GHR: variants seen among roughly 807,000 people sequenced by gnomAD.
The protein encoded by GHR is growth hormone receptor, also known as GH receptor.
In GHR, 35 loss-of-function variants were observed where a neutral mutation model predicts 67.1. That is an observed-to-expected ratio of 0.52 (90% confidence interval 0.40 to 0.69). GHR has a LOEUF of 0.69. Ranked by LOEUF, GHR falls within the 30% of genes least tolerant of loss-of-function variation. The probability of loss-of-function intolerance (pLI) is 0.00; values close to 1 mark genes in which losing one functional copy is unlikely to be tolerated. For missense variants in GHR, 792 were observed against 764.6 expected (o/e 1.04, Z -0.42); for synonymous variants, 272 against 269.1 (o/e 1.01, Z -0.10).
chr5:42,483,902 G>A (rs1213569675), intron 1 of GHR, among the ~76,000 whole-genome samples: 1 of 152,234 alleles, frequency 6.6e-6, no homozygotes. Context: ...ATACTGGGCT[G>A]TGTTCCAGGG....
chr5:42,540,945 T>TG (rs1448458051), intron 1 of GHR, among the ~76,000 whole-genome samples: 3 of 149,296 alleles, frequency 2.0e-5, no homozygotes, highest in Non-Finnish European at 3.0e-5. Context: ...TTTTCCTTGT[T>TG]TTTTTTTTTT....
At chr5:42,657,785 A>G (rs1205716505) in intron 3 of GHR, among the ~76,000 whole-genome samples, 3 of 152,036 alleles carry the variant, frequency 2.0e-5, no homozygotes, top group Non-Finnish European at 2.9e-5. Flanking sequence ...ATATCCTAAA[A>G]TGTTCCTTTT....
chr5:42,616,383 G>A (rs192187292), intron 2 of GHR, among the ~76,000 whole-genome samples: 3 of 152,212 alleles, frequency 2.0e-5, no homozygotes, highest in Non-Finnish European at 4.4e-5. Context: ...GAAGGAGTTA[G>A]AGAAAGCAAA....
At chr5:42,472,835 G>A (rs1426684066) in intron 1 of GHR, among the ~76,000 whole-genome samples, 2 of 152,120 alleles carry the variant, frequency 1.3e-5, no homozygotes, top group African/African-American at 2.4e-5. Flanking sequence ...CTGGATAGGA[G>A]GTACAACCAG....
At chr5:42,475,956 G>T (rs1465189854) in intron 1 of GHR, among the ~76,000 whole-genome samples, 4 of 150,324 alleles carry the variant, frequency 2.7e-5, no homozygotes, top group African/African-American at 7.4e-5. Flanking sequence ...CCAGGCTGGA[G>T]TGCAGTGGCG....
At chr5:42,468,298 A>G (rs767319207) in intron 1 of GHR, 2 of 1,575,138 alleles carry the variant, frequency 1.3e-6, no homozygotes, top group Non-Finnish European at 1.7e-6. Flanking sequence ...GCCTAGGGCC[A>G]TGGCTTCTCT....
rs4489074 is a variant in GHR at position 42,578,904 on chromosome 5, C to T, written c.70+12960C>T. Among the ~76,000 whole-genome samples, 1,855 of 152,084 alleles carry T rather than the reference C, an allele frequency of 0.012. 82 individuals carry two copies. The East Asian group carries it at 0.14, about 12-fold the overall frequency. On this transcript the variant is annotated intron_variant, in intron 2 of 9. Coordinates refer to ENST00000230882, the MANE Select transcript of GHR (RefSeq NM_000163.5). ...AAAAAATACAACTCAGATTTCACTA[C>T]GTACAGCAATAAATATCAGAGACAT...
At chr5:42,500,187 C>T (rs1410890806) in intron 1 of GHR, among the ~76,000 whole-genome samples, 1 of 152,230 alleles carries the variant, frequency 6.6e-6, no homozygotes, top group East Asian at 1.9e-4. Context: ...TACTCTCCTC[C>T]TTAGCTGAGA....
intron 1 of GHR, among the ~76,000 whole-genome samples, chr5:42,540,183 T>TTCTCTCTCTCTCTC (rs57962722): frequency 4.2e-5 from 6 of 144,504 alleles, no homozygotes; most frequent in South Asian, 2.3e-4. Flanking sequence ...TGTTACTGTA[T>TTCTCTCTCTCTCTC]TCTCTCTCTC....
At chr5:42,705,578 C>T (rs1024916950) in intron 6 of GHR, among the ~76,000 whole-genome samples, 26 of 152,086 alleles carry the variant, frequency 1.7e-4, no homozygotes, top group African/African-American at 6.3e-4. Context: ...CCAGTAGGCC[C>T]CAGTATCTGT....
At chr5:42,649,078 G>A (rs1257048252) in intron 3 of GHR, among the ~76,000 whole-genome samples, 1 of 152,140 alleles carries the variant, frequency 6.6e-6, no homozygotes, top group Non-Finnish European at 1.5e-5. Flanking sequence ...AGCCTAACTG[G>A]AGCATTCAGA....
rs187830756 is a variant in GHR at position 42,566,584 on chromosome 5, A to G, written c.70+640A>G. On this transcript the variant is annotated intron_variant, in intron 2 of 9. Coordinates refer to ENST00000230882, the MANE Select transcript of GHR (RefSeq NM_000163.5). ...TTAAACTATGTTTCATAGCAGACCT[A>G]ACTAAAACAAGGAAGAGTAATAGAA... Among the ~76,000 whole-genome samples the G allele has an allele frequency of 3.9e-5, 6 of 152,288 alleles. No individual in the cohort carries two copies. The East Asian group carries it at 1.2e-3, about 29-fold the overall frequency.
intron 3 of GHR, among the ~76,000 whole-genome samples, chr5:42,686,162 C>G (rs986657522): frequency 2.0e-5 from 3 of 152,154 alleles, no homozygotes; most frequent in African/African-American, 7.2e-5. Context: ...CTGCGTATGG[C>G]TAGCCAGTTT....
intron 1 of GHR, among the ~76,000 whole-genome samples, chr5:42,515,369 C>T (rs75103129): frequency 2.1e-3 from 318 of 152,296 alleles, no homozygotes; most frequent in African/African-American, 7.3e-3. Flanking sequence ...CTCTTCCTGT[C>T]GTTAAACACA....
rs575431738 is a variant in GHR, at chr5:42,648,499, T to C, written c.136+19396T>C. Reference sequence around the variant, plus strand: ...TTGGAGGATAAAAGGGAAAATAATTTGTCTTCCTGACTTCTTCTCTATTCC... The same window carrying C: ...TTGGAGGATAAAAGGGAAAATAATTCGTCTTCCTGACTTCTTCTCTATTCC... On this transcript the variant is annotated intron_variant, in intron 3 of 9. Transcript: ENST00000230882. Among the ~76,000 whole-genome samples, 16 of 152,262 alleles carry C rather than the reference T, an allele frequency of 1.1e-4. No individual in the cohort carries two copies. In the South Asian group the frequency reaches 3.3e-3, roughly 32 times the overall value.
chr5:42,670,874 A>AT (rs1254302009), intron 3 of GHR, among the ~76,000 whole-genome samples: 113 of 91,884 alleles, frequency 1.2e-3, no homozygotes, highest in Middle Eastern at 5.3e-3. Flanking sequence ...TTAAAAAAAA[A>AT]AAAAAAATAT....
At chr5:42,497,028 G>A (rs1466982699) in intron 1 of GHR, among the ~76,000 whole-genome samples, 1 of 152,174 alleles carries the variant, frequency 6.6e-6, no homozygotes, top group Non-Finnish European at 1.5e-5. Context: ...CAGGACATCT[G>A]TTTGGGCCTT....
intron 4 of GHR, among the ~76,000 whole-genome samples, chr5:42,692,726 G>A (rs1027240734): frequency 5.9e-5 from 9 of 152,132 alleles, no homozygotes; most frequent in Non-Finnish European, 1.2e-4. Context: ...GACATGCACT[G>A]TTGAGAAATT....
intron 1 of GHR, among the ~76,000 whole-genome samples, chr5:42,442,687 G>A (rs1743629144): frequency 1.3e-5 from 2 of 152,284 alleles, no homozygotes; most frequent in East Asian, 3.9e-4. Flanking sequence ...GCCCATCCCA[G>A]TTTCTCAGGA....
Sources: gnomAD v4.1 joint callset for allele counts (sites outside exome capture counted in the v4.1 genomes callset) on GRCh38, gnomAD v4.1.1 for gene constraint, MANE v1.5 for transcripts, NCBI Gene and HGNC (gene_info 2026-07-23, HGNC 2026-07-21) for gene names.